Variants in UNC13C observed in about 807,000 individuals in gnomAD.
UNC13C encodes unc-13 homolog C.
UNC13C carries 174 observed loss-of-function variants against 245.4 expected under a neutral mutation model. The observed-to-expected ratio is 0.71, with a 90% CI of 0.63 to 0.80. The LOEUF (loss-of-function observed/expected upper bound fraction) is 0.80. Among genes scored for constraint, UNC13C ranks in the 30% least tolerant of loss-of-function variants. The pLI is 0.00. For missense variants in UNC13C, 2,829 were observed against 2,602.9 expected (o/e 1.09, Z -1.89); for synonymous variants, 992 against 895.1 (o/e 1.11, Z -1.93).
chr15:54,237,690 G>A lies in UNC13C; in HGVS notation c.3228G>A (p.Leu1076=). 6.2e-7 allele frequency: 1 copy of A among 1,606,502 alleles called. No individual in the cohort carries two copies. The highest frequency in any genetic ancestry group is 8.5e-7 in the Non-Finnish European group (1 of 1,175,592). ...VIRTSLNNEE[L]KMHVFKKTLQ... is the part of the protein sequence containing the mutation. The stretch of plus-strand genomic sequence containing the variant: ...GGACATCCCTAAATAATGAGGAACT[G>A]GTAAGTACTAGATATTGCTCATAAT... The change falls in exon 7 of 33, where the codon CTG becomes CTA. Residue 1076 remains leucine (L), a splice_region_variant and synonymous_variant. Transcript: ENST00000260323.
At chr15:53,876,053 T>A in the UNC13C span, among the ~76,000 whole-genome samples, 1 of 152,242 alleles carries the variant, frequency 6.6e-6, no homozygotes, top group Admixed American at 6.5e-5. Context: ...CACGTAATGA[T>A]TTTTTATGCT....
intron 10 of UNC13C, among the ~76,000 whole-genome samples, chr15:54,275,217 A>T (rs1428414343): frequency 6.6e-6 from 1 of 152,218 alleles, no homozygotes; most frequent in Non-Finnish European, 1.5e-5. Flanking sequence ...ACAAATAGTT[A>T]TACTACTCGT....
chr15:54,331,740 A>C (rs1489541463), intron 14 of UNC13C, among the ~76,000 whole-genome samples: 1 of 152,074 alleles, frequency 6.6e-6, no homozygotes, highest in Non-Finnish European at 1.5e-5. Context: ...ATGTACTGGC[A>C]ATTTATTTGT....
intron 4 of UNC13C, among the ~76,000 whole-genome samples, chr15:54,231,546 C>A (rs961814689): frequency 3.3e-5 from 5 of 151,718 alleles, no homozygotes; most frequent in African/African-American, 4.8e-5. Context: ...TGTACCTATA[C>A]CTCATAAGAT....
At chr15:54,198,395 C>G (rs2034424080) in intron 4 of UNC13C, among the ~76,000 whole-genome samples, 1 of 152,102 alleles carries the variant, frequency 6.6e-6, no homozygotes, top group African/African-American at 2.4e-5. Flanking sequence ...TGGCTAGAGG[C>G]CAATCAATAC....
intron 13 of UNC13C, chr15:54,321,011 C>T (rs941282808): frequency 2.3e-6 from 1 of 440,386 alleles, no homozygotes. Context: ...CAAAGCCACA[C>T]AGTCACTAAC....
chr15:54,005,860 C>T (rs904196975), intron 1 of UNC13C, among the ~76,000 whole-genome samples: 5 of 151,880 alleles, frequency 3.3e-5, no homozygotes, highest in African/African-American at 7.3e-5. Flanking sequence ...AATCATTCAT[C>T]GGGAGAAGGA....
At chr15:54,187,360 T>C (rs2034028297) in intron 4 of UNC13C, among the ~76,000 whole-genome samples, 1 of 152,128 alleles carries the variant, frequency 6.6e-6, no homozygotes, top group Non-Finnish European at 1.5e-5. Flanking sequence ...GTAATTATGA[T>C]CAGGTGATCC....
At chr15:54,120,992 A>T (rs953495255) in intron 2 of UNC13C, among the ~76,000 whole-genome samples, 2 of 152,148 alleles carry the variant, frequency 1.3e-5, no homozygotes, top group Admixed American at 1.3e-4. Flanking sequence ...TGAAGATGTT[A>T]TTGAACATCG....
At chr15:53,993,301 A>G (rs187162091) in intron 1 of UNC13C, among the ~76,000 whole-genome samples, 1 of 152,258 alleles carries the variant, frequency 6.6e-6, no homozygotes, top group Admixed American at 6.5e-5. Context: ...TATTAAAGCA[A>G]GGGGTTCAAG....
chr15:54,514,828 G>A (rs147964046), intron 24 of UNC13C, among the ~76,000 whole-genome samples: 71 of 152,228 alleles, frequency 4.7e-4, no homozygotes, highest in African/African-American at 1.5e-3. Context: ...CATGATGATC[G>A]TGGGATTATG....
rs1321916037 is a variant in UNC13C at position 54,268,077 on chromosome 15, A to C, written c.3818+2581A>C. Among the ~76,000 whole-genome samples the C allele has an allele frequency of 2.6e-5, 4 of 151,960 alleles. No individual in the cohort carries two copies. In the South Asian group the frequency reaches 6.2e-4, roughly 24 times the overall value. ...CCATCATCTAGGTTTTAAGCCCAGC[A>C]TGCATTAGGTATTTGTCCTAATGCT... On this transcript the variant is annotated intron_variant, in intron 10 of 32. Coordinates refer to ENST00000260323, the MANE Select transcript of UNC13C (RefSeq NM_001080534.3).
Position 54,408,298 on chromosome 15 carries a change from C to G in UNC13C, c.4848-6684C>G, listed in dbSNP as rs544131425. Among the ~76,000 whole-genome samples the G allele has an allele frequency of 2.6e-4, 39 of 148,436 alleles. 1 individual carries two copies. The South Asian group carries it at 8.4e-3, about 32-fold the overall frequency. ...TTCATTTCATGTTCTAGTACACTTT[C>G]CTAATCTCTAACGTTACTAAGTCTA... On this transcript the variant is annotated intron_variant, in intron 18 of 32. Coordinates refer to ENST00000260323, the MANE Select transcript of UNC13C (RefSeq NM_001080534.3).
Position 54,525,615 on chromosome 15 carries a change from C to T in UNC13C, c.5524C>T (p.Leu1842Phe). Reference protein sequence around the residue: ...QVKLSGVLDELSVTYGESFQV... With the variant: ...QVKLSGVLDEFSVTYGESFQV... ...TAAGCTCAGTGGGGTCCTGGATGAGCTCAGCGTCACTTATGGTGAAAGGTA... is the reference window on the plus strand; with the variant it reads ...TAAGCTCAGTGGGGTCCTGGATGAGTTCAGCGTCACTTATGGTGAAAGGTA... Residue 1842 changes from leucine to phenylalanine, a missense_variant, in exon 25 of 33, where the codon CTC (leucine) becomes TTC (phenylalanine). By Grantham distance (22) the Leu-to-Phe change is conservative (BLOSUM62 0). Coordinates refer to ENST00000260323, the MANE Select transcript of UNC13C (RefSeq NM_001080534.3). 6.2e-7 allele frequency: 1 copy of T among 1,612,552 alleles called. No homozygotes were observed. The highest frequency in any genetic ancestry group is 8.5e-7 in the Non-Finnish European group (1 of 1,179,334).
chr15:54,006,147 T>G (rs142328838), intron 1 of UNC13C, among the ~76,000 whole-genome samples: 239 of 152,250 alleles, frequency 1.6e-3, no homozygotes, highest in African/African-American at 5.6e-3. Flanking sequence ...GAAGATTATT[T>G]GAGATAAACC....
At chr15:54,369,552 T>C (rs1002412332) in intron 17 of UNC13C, among the ~76,000 whole-genome samples, 8 of 152,098 alleles carry the variant, frequency 5.3e-5, no homozygotes, top group African/African-American at 1.9e-4. Flanking sequence ...AGAAGAAAAT[T>C]CCAGTTAGAT....
intron 19 of UNC13C, among the ~76,000 whole-genome samples, chr15:54,479,559 G>T (rs1372683471): frequency 6.6e-6 from 1 of 151,934 alleles, no homozygotes; most frequent in Admixed American, 6.6e-5. Flanking sequence ...ATTTAAAACA[G>T]TTTGCATTCC....
chr15:54,560,571 C>T (rs187582975), intron 29 of UNC13C, among the ~76,000 whole-genome samples: 1 of 151,718 alleles, frequency 6.6e-6, no homozygotes, highest in African/African-American at 2.4e-5. Flanking sequence ...TCCTTCCTAC[C>T]CCCGCGGTGA....
chr15:54,465,435 T>C (rs1298249785), intron 19 of UNC13C, among the ~76,000 whole-genome samples: 1 of 152,038 alleles, frequency 6.6e-6, no homozygotes, highest in East Asian at 1.9e-4. Context: ...GGATCTGAGT[T>C]ATAGACTGCT....
Sources: gnomAD v4.1 joint callset for allele counts (sites outside exome capture counted in the v4.1 genomes callset) on GRCh38, gnomAD v4.1.1 for gene constraint, MANE v1.5 for transcripts, NCBI Gene and HGNC (gene_info 2026-07-23, HGNC 2026-07-21) for gene names.